Variants in MTMR4 observed in about 807,000 individuals in gnomAD.
MTMR4 encodes the protein phosphatidylinositol-3,5-bisphosphate 3-phosphatase MTMR4.
MTMR4 carries 30 observed loss-of-function variants against 125.5 expected under a neutral mutation model. That is an observed-to-expected ratio of 0.24 (90% CI 0.18 to 0.32). MTMR4 has a LOEUF of 0.32. Ranked by LOEUF, MTMR4 falls within the 10% of genes least tolerant of loss-of-function variation. The pLI, the probability that MTMR4 is intolerant of heterozygous loss-of-function variation, is 1.00. For missense variants in MTMR4, 1,039 were observed against 1,511.5 expected, an observed-to-expected ratio of 0.69 and a Z score of 5.18; for synonymous variants, 498 against 564.5, an observed-to-expected ratio of 0.88 and a Z score of 1.67.
At chr17:58,509,172 T>C (rs1348932662) in intron 4 of MTMR4, among the ~76,000 whole-genome samples, 1 of 151,992 alleles carries the variant, frequency 6.6e-6, no homozygotes, top group Non-Finnish European at 1.5e-5. Context: ...AATGGACCAG[T>C]GTTATCTCCC....
intron 15 of MTMR4, among the ~76,000 whole-genome samples, chr17:58,493,195 G>A (rs965744073): frequency 6.6e-6 from 1 of 152,204 alleles, no homozygotes; most frequent in Non-Finnish European, 1.5e-5. Context: ...CACTCTTACC[G>A]ATATGCTACA....
intron 1 of MTMR4, 121 bp downstream of exon 1, chr17:58,514,242 C>T (rs1287138432): frequency 1.9e-5 from 17 of 875,952 alleles, no homozygotes; most frequent in Non-Finnish European, 2.2e-5. Flanking sequence ...CCTTCCCTGC[C>T]CCCCAAACGT....
intron 4 of MTMR4, 192 bp downstream of exon 4, chr17:58,511,237 C>A: frequency 3.9e-6 from 2 of 519,404 alleles, no homozygotes; most frequent in South Asian, 2.8e-5. Flanking sequence ...AGGCATTACC[C>A]CCATTTTTTC....
intron 1 of MTMR4, chr17:58,514,116 A>T (rs1415146634): frequency 1.2e-5 from 2 of 172,264 alleles, no homozygotes; most frequent in Non-Finnish European, 2.3e-5. Context: ...AGAGATCTGC[A>T]GTCAAGGGCA....
At position 58,512,302 on chromosome 17, in the gene MTMR4, A is replaced by G; in HGVS notation, c.252+88T>C. The G allele has an allele frequency of 1.7e-6, 2 of 1,206,290 alleles. No individual in the cohort carries two copies. Among genetic ancestry groups the G allele is most frequent in the East Asian group, 2.4e-5 (1 of 42,432 alleles). The allele number at this position is 1,206,290 out of a possible 1,614,324, so 74.7% of individuals were successfully genotyped here. On this transcript the variant is annotated intron_variant, in intron 3 of 17. Coordinates refer to ENST00000682306, the MANE Select transcript of MTMR4 (RefSeq NM_001378067.1). This position sits in a 1 kb window ranked among gnomAD's most constrained non-coding sequence, Gnocchi z 4.1. The stretch of plus-strand genomic sequence containing the variant: ...CGCCCGGCCTCCAACTTTTTTAATG[A>G]CATGATCAAGGACAGCCTTGGAACA...
chr17:58,492,682 A>G, intron 16 of MTMR4, 83 bp from the exon 17 acceptor site: 3 of 1,422,696 alleles, frequency 2.1e-6, no homozygotes, highest in Non-Finnish European at 3.0e-6. Flanking sequence ...GCACCCCAGC[A>G]GAAAGAGACA....
Position 58,501,672 on chromosome 17 carries a change from GTA to G in MTMR4, c.1853+2070_1853+2071del, listed in dbSNP as rs545724278. The stretch of plus-strand genomic sequence containing the variant: ...TATACGGATATATATACATATATGT[GTA>G]TATATATATACGCGTATATATGTAT... On this transcript the variant is annotated intron_variant, in intron 14 of 17. Transcript: ENST00000682306. Among the ~76,000 whole-genome samples, 1,321 of 150,486 alleles carry G rather than the reference GTA, an allele frequency of 8.8e-3. 11 individuals carry two copies. Among genetic ancestry groups the G allele is most frequent in the Non-Finnish European group, 0.014 (920 of 67,738 alleles).
chr17:58,505,055 C>A, intron 10 of MTMR4, 81 bp from the exon 11 acceptor site: 1 of 1,361,892 alleles, frequency 7.3e-7, no homozygotes, highest in Non-Finnish European at 1.0e-6. Context: ...GCCAGCCCCA[C>A]CCAACAAAGT....
At chr17:58,494,158 CAA>C (rs953025169) in intron 15 of MTMR4, among the ~76,000 whole-genome samples, 1 of 142,180 alleles carries the variant, frequency 7.0e-6, no homozygotes. Flanking sequence ...ACTAAAAATA[CAA>C]AAAAAAAAAA....
chr17:58,504,704 G>A lies in MTMR4; in HGVS notation c.1341+75C>T. 6.7e-7 allele frequency: 1 copy of A among 1,483,012 alleles called. No individual in the cohort carries two copies. The highest frequency in any genetic ancestry group is 1.3e-5 in the South Asian group (1 of 76,748). The allele number at this position is 1,483,012 out of a possible 1,614,324, so 91.9% of individuals were successfully genotyped here. On this transcript the variant is annotated intron_variant, in intron 11 of 17. Transcript: ENST00000682306. The surrounding 1 kb of genome is among the most constrained non-coding windows in gnomAD (Gnocchi z 7.1). ...ATGTCCTCTACTGAAAGATCCCCAGGACAGATCCAGAGGGCTCAACACCTT... is the reference window on the plus strand; with the variant it reads ...ATGTCCTCTACTGAAAGATCCCCAGAACAGATCCAGAGGGCTCAACACCTT...
chr17:58,513,624 C>T (rs955753899), intron 1 of MTMR4, among the ~76,000 whole-genome samples: 1 of 151,984 alleles, frequency 6.6e-6, no homozygotes, highest in African/African-American at 2.4e-5. Flanking sequence ...AACTCCCCTC[C>T]CAACCACCAG....
Position 58,495,939 on chromosome 17 carries a change from G to A in MTMR4, c.2245C>T (p.Pro749Ser), listed in dbSNP as rs1975453644. Residue 749 changes from proline (P) to serine (S), a missense_variant, in exon 15 of 18, where the codon CCT (proline) becomes TCT (serine). Physicochemically the swap from Pro to Ser is moderately conservative, Grantham distance 74 (BLOSUM62 -1). Around this residue, in one of 6 missense-constraint regions of MTMR4, gnomAD observed 619 missense variants for 714.5 expected, o/e 0.87. Coordinates refer to ENST00000682306, the MANE Select transcript of MTMR4 (RefSeq NM_001378067.1). Reference sequence around the variant, plus strand: ...CTACCCAGCTCATCCTGGGCAGAAGGGTCTGGAGCTGGTCCCTTAGTCTCT... The same window carrying A: ...CTACCCAGCTCATCCTGGGCAGAAGAGTCTGGAGCTGGTCCCTTAGTCTCT... The part of the protein sequence containing the change: ...LEETKGPAPD[P>S]SAQDELGRTL... The A allele has an allele frequency of 3.1e-6, 5 of 1,614,012 alleles. No individual in the cohort carries two copies. The highest frequency in any genetic ancestry group is 2.2e-5 in the East Asian group (1 of 44,900).
In MTMR4 at chr17:58,506,663, T is replaced by C; in HGVS notation, c.1033+80A>G. On this transcript the variant is annotated intron_variant, in intron 9 of 17. Transcript: ENST00000682306. The stretch of plus-strand genomic sequence containing the variant: ...AGGTTTGTTTGGGCTCTTTCCACTA[T>C]ACAAATGGCCCCCAACCCCCTCCTC... The C allele has an allele frequency of 2.6e-6, 4 of 1,559,300 alleles. No homozygotes were observed. The Admixed American group carries it at 5.4e-5, about 21-fold the overall frequency.
At chr17:58,516,666 AC>A, upstream of MTMR4, 1 of 1,531,692 alleles carries the variant, frequency 6.5e-7, no homozygotes, top group Non-Finnish European at 9.1e-7. Context: ...CATTAACATT[AC>A]CATAGAATCA....
Position 58,507,989 on chromosome 17 carries a change from A to G in MTMR4, c.707+172T>C, listed in dbSNP as rs141250881. 940 of 569,418 alleles carry G rather than the reference A, an allele frequency of 1.7e-3. 18 individuals are homozygous for G. In the East Asian group the frequency reaches 0.023, roughly 14 times the overall value. The allele number at this position is 569,418 out of a possible 1,614,324, so 35.3% of individuals were successfully genotyped here. Reference sequence around the variant, plus strand: ...AGGGGGGGAATGAATAAACTCCCTAATAGCCTTATTCTTAGGAGAAAAAAC... The same window carrying G: ...AGGGGGGGAATGAATAAACTCCCTAGTAGCCTTATTCTTAGGAGAAAAAAC... On this transcript the variant is annotated intron_variant, in intron 7 of 17. Coordinates refer to ENST00000682306, the MANE Select transcript of MTMR4 (RefSeq NM_001378067.1).
rs558019160 is a variant in MTMR4, at chr17:58,496,134, C to T, written c.2050G>A (p.Val684Ile). 11 of 1,614,198 alleles carry T rather than the reference C, an allele frequency of 6.8e-6. No homozygotes were observed. Among genetic ancestry groups the T allele is most frequent in the South Asian group, 5.5e-5 (5 of 91,090 alleles). The part of the protein sequence containing the change: ...DSGVGGPQQT[V>I]GEVGLPPPLP... ...GGAGGAGGAAGACCCACTTCTCCTA[C>T]AGTTTGCTGAGGCCCTCCTACCCCA... The change falls in exon 15 of 18, where the codon GTA (valine) becomes ATA (isoleucine). Residue 684 changes from valine (V) to isoleucine (I), a missense_variant. By Grantham distance (29) the Val-to-Ile change is conservative. Transcript: ENST00000682306.
In MTMR4 at chr17:58,512,436, A is replaced by G; in HGVS notation, c.206T>C (p.Ile69Thr). ...LGRAADALIAISNYRLHIKFK... is the reference protein window; with the variant it reads ...LGRAADALIATSNYRLHIKFK... ...TTTGATATGCAGCCGGTAGTTAGAG[A>G]TGGCAATGAGGGCATCGGCTGCCCG... The change falls in exon 3 of 18, where the codon ATC (isoleucine) becomes ACC (threonine). Residue 69 changes from isoleucine (I) to threonine (T), a missense_variant. By Grantham distance (89) the Ile-to-Thr change is moderately conservative. This residue lies in a region of MTMR4 where 202 missense variants were observed against 311.9 expected (regional missense o/e 0.65). Coordinates refer to ENST00000682306, the MANE Select transcript of MTMR4 (RefSeq NM_001378067.1). The surrounding 1 kb of genome is among the most constrained non-coding windows in gnomAD (Gnocchi z 4.1). The G allele has an allele frequency of 6.2e-7, 1 of 1,614,174 alleles. No individual in the cohort carries two copies. Among genetic ancestry groups the G allele is most frequent in the Non-Finnish European group, 8.5e-7 (1 of 1,180,032 alleles).
At position 58,511,423 on chromosome 17, in the gene MTMR4, T is replaced by A; in HGVS notation, c.335+6A>T. The A allele has an allele frequency of 6.2e-7, 1 of 1,608,528 alleles. No individual in the cohort carries two copies. Among genetic ancestry groups the A allele is most frequent in the South Asian group, 1.1e-5 (1 of 89,804 alleles). On this transcript the variant is annotated splice_donor_region_variant and intron_variant, in intron 4 of 17. Coordinates refer to ENST00000682306, the MANE Select transcript of MTMR4 (RefSeq NM_001378067.1). ...GGGGACCTGAGTGAGGCTCCGTTGT[T>A]CTCACCTCACCACTTTGGAGTCCTT...
chr17:58,497,987 G>A (rs1320761322), intron 14 of MTMR4, among the ~76,000 whole-genome samples: 2 of 152,140 alleles, frequency 1.3e-5, no homozygotes, highest in Non-Finnish European at 2.9e-5. Context: ...CAACACTTTG[G>A]GAGGTCAAGG....
Sources: gnomAD v4.1 joint callset for allele counts (sites outside exome capture counted in the v4.1 genomes callset) on GRCh38, gnomAD v4.1.1 for gene constraint, gnomAD v4.1.1 regional missense constraint, Gnocchi (gnomAD v3.1) non-coding constraint, MANE v1.5 for transcripts, NCBI Gene and HGNC (gene_info 2026-07-23, HGNC 2026-07-21) for gene names.